PPP4R3B: variants seen among roughly 807,000 people sequenced by gnomAD.
The protein encoded by PPP4R3B is protein phosphatase 4 regulatory subunit 3B.
Under a neutral mutation model 95.4 loss-of-function variants are expected in PPP4R3B, and 52 were observed. The observed-to-expected ratio is 0.54, with a 90% CI of 0.44 to 0.69. The LOEUF (loss-of-function observed/expected upper bound fraction) is 0.69, where lower values mean the gene tolerates loss of function less well. PPP4R3B is among the 30% of genes least tolerant of loss of function. The pLI is 0.00. For synonymous variants in PPP4R3B, 407 were observed against 343.9 expected (o/e 1.18, Z -2.03); for missense variants, 1,003 against 1,005.9 (o/e 1.00, Z 0.04).
intron 2 of PPP4R3B, among the ~76,000 whole-genome samples, chr2:55,612,557 A>G (rs990344376): frequency 1.4e-4 from 21 of 151,388 alleles, no homozygotes; most frequent in Non-Finnish European, 3.0e-5. Context: ...CTCTACAAAC[A>G]CAACAACAAC....
intron 12 of PPP4R3B, among the ~76,000 whole-genome samples, chr2:55,570,394 TAATG>T (rs1214982132): frequency 3.3e-5 from 5 of 152,162 alleles, no homozygotes; most frequent in African/African-American, 1.2e-4. Flanking sequence ...TAAAACAGAG[TAATG>T]AATAAGAAGT....
chr2:55,571,336 T>C (rs72803548), intron 12 of PPP4R3B, among the ~76,000 whole-genome samples: 3,544 of 152,130 alleles, frequency 0.023, 71 homozygotes, highest in South Asian at 0.099. Flanking sequence ...ATGCATTCAA[T>C]TGACATGTTC....
chr2:55,552,875 A>G (rs978444393), intron 16 of PPP4R3B, among the ~76,000 whole-genome samples: 4 of 152,252 alleles, frequency 2.6e-5, no homozygotes, highest in African/African-American at 9.6e-5. Context: ...GAAGCCAAGA[A>G]CTAAGTATTT....
intron 10 of PPP4R3B, among the ~76,000 whole-genome samples, 162 bp downstream of exon 10, chr2:55,578,085 G>A (rs994317514): frequency 3.3e-5 from 5 of 151,930 alleles, no homozygotes; most frequent in African/African-American, 1.2e-4. Flanking sequence ...GTATCAATAC[G>A]AATAGATCTC....
rs916798688 is a variant in PPP4R3B at position 55,575,731 on chromosome 2, C to T, written c.1606+1584G>A. ...GAGATTACAGGTGTGAGCCACCACG[C>T]TTGGCTAGACAAGGAAATATTAAGC... On this transcript the variant is annotated intron_variant, in intron 11 of 16. Transcript: ENST00000616407. Among the ~76,000 whole-genome samples, 8 of 152,144 alleles carry T rather than the reference C, an allele frequency of 5.3e-5. No homozygotes were observed. The East Asian group carries it at 1.3e-3, about 26-fold the overall frequency.
intron 12 of PPP4R3B, among the ~76,000 whole-genome samples, chr2:55,571,577 C>T (rs1266987144): frequency 6.6e-6 from 1 of 152,104 alleles, no homozygotes; most frequent in Admixed American, 6.5e-5. Context: ...TTAAACCTTA[C>T]AAGAGACACT....
intron 3 of PPP4R3B, 129 bp downstream of exon 3, chr2:55,603,849 C>T (rs2103755116): frequency 1.9e-6 from 1 of 534,120 alleles, no homozygotes; most frequent in South Asian, 4.4e-5. Flanking sequence ...TAAAAAATTT[C>T]AAGTTAGATT....
rs1685040071 is a variant in PPP4R3B, at chr2:55,549,783, T to C, written c.*128A>G. On this transcript the variant is annotated 3_prime_UTR_variant, in exon 17 of 17. Transcript: ENST00000616407. ...TAGAACTAAACTCTCTTAGCTGATA[T>C]ACTGTCTTTTGCTACTCCTTGTATA... The C allele has an allele frequency of 5.5e-6, 4 of 727,686 alleles. No homozygotes were observed. Among genetic ancestry groups the C allele is most frequent in the African/African-American group, 1.8e-5 (1 of 55,852 alleles). 45.1% of individuals were successfully genotyped at this position (727,686 alleles called of 1,614,324 possible).
chr2:55,604,873 C>T (rs929879103), intron 2 of PPP4R3B, among the ~76,000 whole-genome samples: 2 of 152,010 alleles, frequency 1.3e-5, no homozygotes, highest in African/African-American at 2.4e-5. Context: ...CAGGGTCTTG[C>T]TCTGTGACCA....
chr2:55,559,516 G>C (rs1485591749), intron 15 of PPP4R3B, among the ~76,000 whole-genome samples: 1 of 152,182 alleles, frequency 6.6e-6, no homozygotes, highest in Admixed American at 6.5e-5. Flanking sequence ...GAGGGACCTG[G>C]TGAGAGGTGA....
chr2:55,598,391 T>A (rs1468087118), intron 4 of PPP4R3B, 25 bp downstream of exon 4: 1 of 1,600,614 alleles, frequency 6.2e-7, no homozygotes, highest in East Asian at 2.2e-5. Context: ...AAAAATGGAA[T>A]CGTGAAGAGT....
chr2:55,579,819 T>C (rs1267777404), intron 8 of PPP4R3B, 38 bp from the exon 9 acceptor site: 5 of 1,351,576 alleles, frequency 3.7e-6, no homozygotes, highest in South Asian at 1.3e-5. Context: ...CTGTTACTTA[T>C]GTAAATAAAA....
chr2:55,612,246 T>C (rs1331196208), intron 2 of PPP4R3B, among the ~76,000 whole-genome samples: 1 of 152,052 alleles, frequency 6.6e-6, no homozygotes, highest in East Asian at 1.9e-4. Flanking sequence ...TGAAAACAAT[T>C]TTTTAAATTT....
chr2:55,582,389 G>T (rs1689564066), intron 7 of PPP4R3B, among the ~76,000 whole-genome samples: 1 of 152,132 alleles, frequency 6.6e-6, no homozygotes, highest in Admixed American at 6.5e-5. Flanking sequence ...TAGTAGCTGG[G>T]ATTAAAGGCA....
chr2:55,589,403 T>C (rs972783237), intron 4 of PPP4R3B, among the ~76,000 whole-genome samples: 15 of 152,108 alleles, frequency 9.9e-5, no homozygotes, highest in African/African-American at 3.1e-4. Context: ...ATTCCGACAG[T>C]AGATAAAGTT....
chr2:55,617,207 C>T lies in PPP4R3B; in HGVS notation c.79G>A (p.Val27Ile). The change falls in exon 1 of 17, where the codon GTC becomes ATC. Residue 27 changes from valine (V) to isoleucine (I), a missense_variant. Around this residue, in one of 3 missense-constraint regions of PPP4R3B, gnomAD observed 695 missense variants for 686.2 expected, o/e 1.01. Transcript: ENST00000616407. ...AGCTCCTCCACGTAAGTGGAGGAGA[C>T]GTGCCCGGTGCCTCGGTCGTCCCAT... is the stretch of plus-strand genomic sequence containing the variant. ...RQWDDRGTGH[V>I]SSTYVEELKG... 1.2e-6 allele frequency: 2 copies of T among 1,614,048 alleles called. No individual in the cohort carries two copies. Among genetic ancestry groups the T allele is most frequent in the Middle Eastern group, 1.6e-4 (1 of 6,062 alleles).
rs939800146 is a variant in PPP4R3B at position 55,617,595 on chromosome 2, T to A, written c.-310A>T. 2 of 269,108 alleles carry A rather than the reference T, an allele frequency of 7.4e-6. No homozygotes were observed. Among genetic ancestry groups the A allele is most frequent in the South Asian group, 8.9e-5 (1 of 11,268 alleles). 16.7% of individuals were successfully genotyped at this position (269,108 alleles called of 1,614,324 possible). A position where few individuals can be genotyped will look rare whatever the true frequency, so the allele number is the denominator to read the frequency against. ...TAACTACTACAGATCCGCCATCTTG[T>A]AACCCGACTCTCTCTGCCTTTCTCT... On this transcript the variant is annotated 5_prime_UTR_variant, in exon 1 of 17. Transcript: ENST00000616407.
chr2:55,577,453 A>C, intron 10 of PPP4R3B, 97 bp from the exon 11 acceptor site: 1 of 1,164,714 alleles, frequency 8.6e-7, no homozygotes. Context: ...CTTCAATCAT[A>C]ATCTCCTTTT....
At chr2:55,559,798 T>A (rs953111491) in intron 15 of PPP4R3B, among the ~76,000 whole-genome samples, 2 of 152,154 alleles carry the variant, frequency 1.3e-5, no homozygotes, top group Non-Finnish European at 2.9e-5. Flanking sequence ...TACAGAAAAT[T>A]GGTAACAGGA....
Sources: gnomAD v4.1 joint callset for allele counts (sites outside exome capture counted in the v4.1 genomes callset) on GRCh38, gnomAD v4.1.1 for gene constraint, gnomAD v4.1.1 regional missense constraint, MANE v1.5 for transcripts, NCBI Gene and HGNC (gene_info 2026-07-23, HGNC 2026-07-21) for gene names.